NAV2: variants seen among roughly 807,000 people sequenced by gnomAD.
NAV2 encodes the protein neuron navigator 2.
In NAV2, 54 loss-of-function variants were observed where a neutral mutation model predicts 223.2. The observed-to-expected ratio is 0.24, with a 90% CI of 0.19 to 0.30. NAV2 has a LOEUF of 0.30. Among genes scored for constraint, NAV2 ranks in the 10% least tolerant of loss-of-function variants. The pLI is 1.00. For missense variants in NAV2, 2,806 were observed against 3,147.5 expected (o/e 0.89, Z 2.60); for synonymous variants, 1,279 against 1,239.3 (o/e 1.03, Z -0.67).
At chr11:19,520,625 C>T (rs2134319466) in intron 1 of NAV2, among the ~76,000 whole-genome samples, 1 of 151,988 alleles carries the variant, frequency 6.6e-6, no homozygotes, top group South Asian at 2.1e-4. Flanking sequence ...TCTAGGGCCC[C>T]CTCCCCTATT....
intron 19 of NAV2, among the ~76,000 whole-genome samples, chr11:20,060,472 A>C (rs536339851): frequency 6.6e-6 from 1 of 152,242 alleles, no homozygotes; most frequent in African/African-American, 2.4e-5. Flanking sequence ...TTTTATGGGC[A>C]TGAGTCAGAT....
At chr11:20,086,369 C>T (rs913749523) in intron 26 of NAV2, among the ~76,000 whole-genome samples, 6 of 152,160 alleles carry the variant, frequency 3.9e-5, no homozygotes, top group African/African-American at 1.4e-4. Context: ...GCCTGGTGTG[C>T]TCTTCCCTCA....
intron 1 of NAV2, among the ~76,000 whole-genome samples, chr11:19,603,631 C>CAAAAAAAAAAAAAAAAA (rs1222524445): frequency 1.7e-5 from 1 of 57,722 alleles, no homozygotes; most frequent in Admixed American, 2.1e-4. Context: ...GACTCCATCT[C>CAAAAAAAAAAAAAAAAA]AAAAAAAAAA....
At chr11:19,749,396 C>T (rs1056623247) in intron 1 of NAV2, among the ~76,000 whole-genome samples, 1 of 152,104 alleles carries the variant, frequency 6.6e-6, no homozygotes, top group African/African-American at 2.4e-5. Context: ...ACTAAAATGT[C>T]GTTATTTTTT....
chr11:19,585,689 G>C (rs189117776), intron 1 of NAV2, among the ~76,000 whole-genome samples: 1 of 152,302 alleles, frequency 6.6e-6, no homozygotes, highest in African/African-American at 2.4e-5. Context: ...TTTTCTTTAA[G>C]AATGTTGAAT....
intron 2 of NAV2, among the ~76,000 whole-genome samples, chr11:19,833,352 G>A (rs2060055827): frequency 6.6e-6 from 1 of 152,228 alleles, no homozygotes; most frequent in African/African-American, 2.4e-5. Context: ...GCATGTTGTT[G>A]TGGAAAAGTT....
At chr11:19,361,429 C>G (rs1378112362) in intron 1 of NAV2, among the ~76,000 whole-genome samples, 1 of 152,038 alleles carries the variant, frequency 6.6e-6, no homozygotes, top group Admixed American at 6.6e-5. Context: ...TGCTCCTGGA[C>G]TGGTGTGAGA....
At chr11:19,573,810 A>G (rs1003324652) in intron 1 of NAV2, among the ~76,000 whole-genome samples, 12 of 152,174 alleles carry the variant, frequency 7.9e-5, no homozygotes, top group Non-Finnish European at 1.5e-4. Flanking sequence ...TTGCAGGGCT[A>G]GAAGGCCCAT....
At position 19,426,501 on chromosome 11, in the gene NAV2, A is replaced by C. The variant is rs907529991; in HGVS notation, c.75+75474A>C. Among the ~76,000 whole-genome samples, 34 of 152,306 alleles carry C rather than the reference A, an allele frequency of 2.2e-4. 1 individual carries two copies. The highest frequency in any genetic ancestry group is 3.4e-3 in the Middle Eastern group (1 of 294). On this transcript the variant is annotated intron_variant, in intron 1 of 37. Coordinates refer to the NAV2 transcript ENST00000360655. ...GCTCTAGTCCCTAATTTACAAAGAT[A>C]TTCCCTTGCCAAGCACAACAACATC...
intron 6 of NAV2, among the ~76,000 whole-genome samples, 183 bp downstream of exon 6, chr11:19,892,777 T>C (rs1208438794): frequency 6.6e-6 from 1 of 152,116 alleles, no homozygotes; most frequent in African/African-American, 2.4e-5. Flanking sequence ...TGGGGGAAAA[T>C]ATTGTTATAG....
At chr11:19,586,473 A>G (rs1456703648) in intron 1 of NAV2, among the ~76,000 whole-genome samples, 1 of 152,044 alleles carries the variant, frequency 6.6e-6, no homozygotes, top group East Asian at 1.9e-4. Context: ...TAGAGTTTCC[A>G]GTTTTTCTGC....
chr11:19,624,243 G>A (rs375431126), intron 1 of NAV2, among the ~76,000 whole-genome samples: 83 of 152,278 alleles, frequency 5.5e-4, no homozygotes, highest in East Asian at 2.5e-3. Flanking sequence ...CAGTCTGTCC[G>A]TTCTCAGATT....
chr11:19,737,612 C>T (rs1383245516), intron 1 of NAV2, among the ~76,000 whole-genome samples: 1 of 152,190 alleles, frequency 6.6e-6, no homozygotes, highest in Non-Finnish European at 1.5e-5. Context: ...GTTCCATGTC[C>T]CTATGCAAGG....
chr11:19,944,013 C>T (rs2046624669), intron 8 of NAV2, among the ~76,000 whole-genome samples: 1 of 152,002 alleles, frequency 6.6e-6, no homozygotes, highest in South Asian at 2.1e-4. Flanking sequence ...GCCTGGCCAA[C>T]ATGGTGAAAC....
intron 1 of NAV2, among the ~76,000 whole-genome samples, chr11:19,643,418 G>C (rs1292016468): frequency 6.7e-6 from 1 of 149,358 alleles, no homozygotes; most frequent in Non-Finnish European, 1.5e-5. Flanking sequence ...TGCGGTGTTT[G>C]GTTTTTCGTC....
At chr11:20,102,325 A>G (rs1380832104) in intron 32 of NAV2, among the ~76,000 whole-genome samples, 1 of 152,088 alleles carries the variant, frequency 6.6e-6, no homozygotes, top group Non-Finnish European at 1.5e-5. Context: ...TAGGAGATGG[A>G]GAAGATGTTA....
At chr11:20,105,873 C>T in intron 35 of NAV2, 146 bp downstream of exon 35, 1 of 668,496 alleles carries the variant, frequency 1.5e-6, no homozygotes, top group East Asian at 2.8e-5. Flanking sequence ...GGGACAGTCA[C>T]AGACCAGGTA....
intron 1 of NAV2, among the ~76,000 whole-genome samples, chr11:19,602,612 G>T (rs1282709588): frequency 6.6e-6 from 1 of 152,172 alleles, no homozygotes; most frequent in Non-Finnish European, 1.5e-5. Context: ...AAAAATCAAG[G>T]CGTGGGCAGA....
chr11:20,050,095 A>AG (rs1282574010), intron 16 of NAV2, among the ~76,000 whole-genome samples, 194 bp downstream of exon 16: 5 of 152,140 alleles, frequency 3.3e-5, no homozygotes, highest in Non-Finnish European at 7.3e-5. Context: ...GGAGAGGTGG[A>AG]GTTGGGCTGG....
Sources: allele counts gnomAD v4.1 joint callset (sites outside exome capture counted in the v4.1 genomes callset), GRCh38; gene constraint gnomAD v4.1.1; transcripts MANE v1.5; gene names NCBI Gene and HGNC (gene_info 2026-07-23, HGNC 2026-07-21).